PRKG1: variants seen among roughly 807,000 people sequenced by gnomAD.
PRKG1 encodes the protein protein kinase cGMP-dependent 1.
A neutral mutation model predicts 88.1 loss-of-function variants in PRKG1; 35 were observed. The ratio of observed to expected loss-of-function variants is 0.40; its 90% CI spans 0.30 to 0.53. The LOEUF (loss-of-function observed/expected upper bound fraction) is 0.53, where lower values mean the gene tolerates loss of function less well. Ranked by LOEUF, PRKG1 falls within the 20% of genes least tolerant of loss-of-function variation. The pLI, the probability that PRKG1 is intolerant of heterozygous loss-of-function variation, is 0.59. For missense variants in PRKG1, 540 were observed against 839.8 expected (o/e 0.64, Z 4.41); for synonymous variants, 303 against 292.5 (o/e 1.04, Z -0.37).
At chr10:51,394,244 C>CATAA (rs1470542836) in intron 2 of PRKG1, among the ~76,000 whole-genome samples, 1 of 152,204 alleles carries the variant, frequency 6.6e-6, no homozygotes, top group Non-Finnish European at 1.5e-5. Flanking sequence ...GAACAGCCAA[C>CATAA]ATAAATCACC....
intron 4 of PRKG1, among the ~76,000 whole-genome samples, chr10:51,901,495 C>T (rs546138789): frequency 1.3e-5 from 2 of 152,298 alleles, no homozygotes; most frequent in South Asian, 4.1e-4. Flanking sequence ...TTGCATCTGG[C>T]ACGCATTCAA....
intron 3 of PRKG1, among the ~76,000 whole-genome samples, chr10:51,663,241 C>G (rs907022802): frequency 2.6e-5 from 4 of 152,044 alleles, no homozygotes. Context: ...GAGTCAAAAA[C>G]AAGGCAGATG....
intron 4 of PRKG1, among the ~76,000 whole-genome samples, chr10:51,833,876 T>A (rs966411508): frequency 3.3e-5 from 5 of 152,162 alleles, no homozygotes; most frequent in Admixed American, 3.3e-4. Flanking sequence ...CACTCCAGCC[T>A]CTGGTAAACA....
intron 8 of PRKG1, among the ~76,000 whole-genome samples, chr10:52,150,181 A>T (rs1490211564): frequency 5.3e-4 from 79 of 149,004 alleles, no homozygotes; most frequent in Middle Eastern, 3.6e-3. Context: ...AATAATAATA[A>T]TAATTTGATT....
intron 5 of PRKG1, among the ~76,000 whole-genome samples, chr10:51,997,365 G>A (rs950708980): frequency 3.3e-5 from 5 of 151,546 alleles, no homozygotes; most frequent in African/African-American, 1.2e-4. Context: ...CAGCTACTCG[G>A]GAGGCTGAGG....
chr10:52,055,778 C>T (rs1846096837), intron 6 of PRKG1, among the ~76,000 whole-genome samples: 1 of 152,108 alleles, frequency 6.6e-6, no homozygotes, highest in African/African-American at 2.4e-5. Flanking sequence ...TTATAATTAT[C>T]ACTTTATAAA....
At chr10:52,223,133 C>T (rs948333266) in intron 9 of PRKG1, among the ~76,000 whole-genome samples, 9 of 152,134 alleles carry the variant, frequency 5.9e-5, no homozygotes, top group African/African-American at 2.2e-4. Flanking sequence ...AACAAAAACA[C>T]TTTATCTCCA....
intron 4 of PRKG1, among the ~76,000 whole-genome samples, chr10:51,888,109 T>G (rs1841619024): frequency 6.6e-6 from 1 of 152,168 alleles, no homozygotes; most frequent in Admixed American, 6.5e-5. Flanking sequence ...CTTAGTACCT[T>G]GGTTGTGGTG....
chr10:51,311,887 G>C (rs1588824608), intron 2 of PRKG1, among the ~76,000 whole-genome samples: 1 of 151,872 alleles, frequency 6.6e-6, no homozygotes, highest in African/African-American at 2.4e-5. Flanking sequence ...TTTTTTTCGT[G>C]GGGGATGGTG....
chr10:51,197,484 C>T (rs1486006545), intron 2 of PRKG1, among the ~76,000 whole-genome samples: 1 of 151,894 alleles, frequency 6.6e-6, no homozygotes, highest in Non-Finnish European at 1.5e-5. Context: ...GTTGGCCAGG[C>T]TGATCTCAAA....
chr10:51,489,000 CA>C (rs1439666792), intron 3 of PRKG1, among the ~76,000 whole-genome samples: 2 of 151,836 alleles, frequency 1.3e-5, no homozygotes, highest in Admixed American at 6.6e-5. Flanking sequence ...CAAAACAAAA[CA>C]AAAAAACTGC....
At chr10:52,064,063 C>T (rs1247925193) in intron 7 of PRKG1, among the ~76,000 whole-genome samples, 7 of 152,188 alleles carry the variant, frequency 4.6e-5, no homozygotes, top group Non-Finnish European at 8.8e-5. Context: ...TCAGGCCCTC[C>T]CTGGTCTGAA....
At chr10:52,001,322 T>A (rs1011921297) in intron 5 of PRKG1, among the ~76,000 whole-genome samples, 1 of 151,648 alleles carries the variant, frequency 6.6e-6, no homozygotes, top group Admixed American at 6.6e-5. Flanking sequence ...TAATGTACTG[T>A]ACACTGCAAT....
intron 3 of PRKG1, among the ~76,000 whole-genome samples, chr10:51,772,564 T>G (rs569629950): frequency 1.8e-3 from 272 of 152,196 alleles, no homozygotes; most frequent in Non-Finnish European, 3.2e-3. Context: ...GCAAAAAAAT[T>G]AGCCATGGTT....
intron 2 of PRKG1, among the ~76,000 whole-genome samples, chr10:51,359,572 G>A (rs1039344122): frequency 1.3e-5 from 2 of 151,700 alleles, no homozygotes; most frequent in Admixed American, 1.3e-4. Flanking sequence ...AGAAAAATAG[G>A]CCTCATTTTA....
intron 7 of PRKG1, among the ~76,000 whole-genome samples, chr10:52,131,711 G>T (rs1291219746): frequency 6.6e-6 from 1 of 150,488 alleles, no homozygotes; most frequent in Non-Finnish European, 1.5e-5. Flanking sequence ...GCCAGGCGTG[G>T]TGGTGGACTC....
intron 3 of PRKG1, among the ~76,000 whole-genome samples, chr10:51,758,955 T>G (rs1261770692): frequency 6.6e-6 from 1 of 152,002 alleles, no homozygotes; most frequent in African/African-American, 2.4e-5. Context: ...TGTTTGGTTT[T>G]CTGTTCCTAT....
In PRKG1 at chr10:51,181,046, G is replaced by A. The variant is rs1468126817; in HGVS notation, c.478+27716G>A. 4.0e-5 allele frequency among the ~76,000 whole-genome samples: 6 copies of A among 151,874 alleles called. No homozygotes were observed. The South Asian group carries it at 1.2e-3, about 32-fold the overall frequency. On this transcript the variant is annotated intron_variant, in intron 2 of 17. Coordinates refer to ENST00000373980, the MANE Select transcript of PRKG1 (RefSeq NM_006258.4). ...ATATAATTCTTATCAATGATAGCATGTATTACTGTTACACCTTGGATCAGG... is the reference window on the plus strand; with the variant it reads ...ATATAATTCTTATCAATGATAGCATATATTACTGTTACACCTTGGATCAGG...
chr10:52,123,083 G>A (rs1023561784), intron 7 of PRKG1, among the ~76,000 whole-genome samples: 2 of 152,114 alleles, frequency 1.3e-5, no homozygotes, highest in African/African-American at 2.4e-5. Context: ...ATTTGGCTCA[G>A]TCTAATAAAT....
Sources: allele counts gnomAD v4.1 joint callset (sites outside exome capture counted in the v4.1 genomes callset), GRCh38; gene constraint gnomAD v4.1.1; transcripts MANE v1.5; gene names NCBI Gene and HGNC (gene_info 2026-07-23, HGNC 2026-07-21).